DTD1: variants seen among roughly 807,000 people sequenced by gnomAD.
The protein encoded by DTD1 is D-tyrosyl-tRNA deacylase 1 homolog.
A neutral mutation model predicts 25.6 loss-of-function variants in DTD1; 13 were observed. The observed-to-expected ratio is 0.51, with a 90% CI of 0.33 to 0.81. The LOEUF (loss-of-function observed/expected upper bound fraction) is 0.81. Ranked by LOEUF, DTD1 falls within the 30% of genes least tolerant of loss-of-function variation. The pLI is 0.02. For synonymous variants in DTD1, 110 were observed against 103.6 expected (o/e 1.06, Z -0.37); for missense variants, 193 against 266.4 (o/e 0.72, Z 1.92).
At chr20:18,608,960 G>A (rs1474504263) in intron 3 of DTD1, among the ~76,000 whole-genome samples, 3 of 151,940 alleles carry the variant, frequency 2.0e-5, no homozygotes, top group Non-Finnish European at 4.4e-5. Flanking sequence ...CAAGGTTACT[G>A]GAAAACACAT....
At chr20:18,677,061 A>G (rs1198101928) in intron 4 of DTD1, among the ~76,000 whole-genome samples, 3 of 152,256 alleles carry the variant, frequency 2.0e-5, no homozygotes, top group Non-Finnish European at 4.4e-5. Flanking sequence ...TTAATCATTT[A>G]TAAATAACAT....
At chr20:18,710,759 A>G (rs900487827) in intron 4 of DTD1, among the ~76,000 whole-genome samples, 2 of 152,172 alleles carry the variant, frequency 1.3e-5, no homozygotes, top group African/African-American at 4.8e-5. Context: ...TGTGTTACCA[A>G]TGTAATTGGA....
chr20:18,694,504 C>CA (rs1044836247), intron 4 of DTD1, among the ~76,000 whole-genome samples: 1 of 152,152 alleles, frequency 6.6e-6, no homozygotes, highest in African/African-American at 2.4e-5. Flanking sequence ...GCTTAGCACT[C>CA]ACCATTTAAT....
chr20:18,634,393 T>G (rs2060799616), intron 4 of DTD1, among the ~76,000 whole-genome samples: 1 of 152,204 alleles, frequency 6.6e-6, no homozygotes, highest in African/African-American at 2.4e-5. Context: ...CATTAATTAT[T>G]TACATTCTCA....
intron 4 of DTD1, among the ~76,000 whole-genome samples, chr20:18,684,033 C>A (rs2061007129): frequency 6.6e-6 from 1 of 152,110 alleles, no homozygotes; most frequent in Non-Finnish European, 1.5e-5. Flanking sequence ...TAGGCCTTTC[C>A]CTGGAAAGTG....
intron 4 of DTD1, among the ~76,000 whole-genome samples, chr20:18,685,671 C>A (rs187269305): frequency 6.6e-6 from 1 of 152,294 alleles, no homozygotes; most frequent in East Asian, 1.9e-4. Flanking sequence ...GGGCTAAAAA[C>A]CAAATCAGCA....
intron 4 of DTD1, among the ~76,000 whole-genome samples, chr20:18,649,091 T>G (rs1447146755): frequency 6.6e-6 from 1 of 150,902 alleles, no homozygotes; most frequent in Non-Finnish European, 1.5e-5. Context: ...ATCATATGAA[T>G]TTCATTCTTA....
rs557286984 is a variant in DTD1 at position 18,653,061 on chromosome 20, T to C, written c.477+24828T>C. 2.0e-5 allele frequency among the ~76,000 whole-genome samples: 3 copies of C among 152,318 alleles called. No individual in the cohort carries two copies. The East Asian group carries it at 5.8e-4, about 29-fold the overall frequency. On this transcript the variant is annotated intron_variant, in intron 4 of 5. Transcript: ENST00000377452. ...ATCACCCAGCTGCAGCTTGGGGCTTTTAGCAGGTGGGTTGTGGCCACATGG... is the reference window on the plus strand; with the variant it reads ...ATCACCCAGCTGCAGCTTGGGGCTTCTAGCAGGTGGGTTGTGGCCACATGG...
At chr20:18,709,190 A>G (rs2061148286) in intron 4 of DTD1, among the ~76,000 whole-genome samples, 2 of 152,212 alleles carry the variant, frequency 1.3e-5, no homozygotes, top group South Asian at 4.1e-4. Flanking sequence ...AATGTGATCA[A>G]TAAATATGAT....
intron 3 of DTD1, among the ~76,000 whole-genome samples, chr20:18,625,628 A>G (rs1469625268): frequency 1.3e-5 from 2 of 152,220 alleles, no homozygotes; most frequent in African/African-American, 2.4e-5. Context: ...CTCCTCTAGC[A>G]GGCAGTGGCT....
intron 4 of DTD1, among the ~76,000 whole-genome samples, chr20:18,638,431 G>T (rs1422274343): frequency 1.3e-5 from 2 of 152,156 alleles, no homozygotes; most frequent in African/African-American, 4.8e-5. Flanking sequence ...ACAGGGTTAG[G>T]TGTAGAGAAT....
intron 4 of DTD1, among the ~76,000 whole-genome samples, chr20:18,661,303 A>G (rs978428331): frequency 5.9e-5 from 9 of 151,980 alleles, no homozygotes; most frequent in Non-Finnish European, 1.2e-4. Flanking sequence ...GGAATTTGAT[A>G]GGAATTACAT....
chr20:18,685,427 TGC>T, intron 4 of DTD1, among the ~76,000 whole-genome samples: 2 of 152,200 alleles, frequency 1.3e-5, no homozygotes, highest in Non-Finnish European at 2.9e-5. Context: ...GAGTGCTTTC[TGC>T]CTTGGACCTG....
chr20:18,728,862 T>C (rs1240099049), intron 4 of DTD1, among the ~76,000 whole-genome samples: 2 of 152,132 alleles, frequency 1.3e-5, no homozygotes, highest in Non-Finnish European at 2.9e-5. Context: ...ATTGCATCCA[T>C]TCTCCAATTT....
intron 4 of DTD1, among the ~76,000 whole-genome samples, chr20:18,664,012 A>G (rs1375552279): frequency 6.6e-6 from 1 of 152,124 alleles, no homozygotes; most frequent in Non-Finnish European, 1.5e-5. Flanking sequence ...CATATCACCT[A>G]CTGTACAGGT....
chr20:18,696,852 CCTGAACTG>C (rs2061079410), intron 4 of DTD1, among the ~76,000 whole-genome samples: 1 of 151,866 alleles, frequency 6.6e-6, no homozygotes, highest in Non-Finnish European at 1.5e-5. Context: ...CTGCCCCTGG[CCTGAACTG>C]TAGTTTTTAC....
chr20:18,595,852 G>C (rs946687279), intron 2 of DTD1, among the ~76,000 whole-genome samples, 154 bp from the exon 3 acceptor site: 1 of 152,140 alleles, frequency 6.6e-6, no homozygotes, highest in East Asian at 1.9e-4. Context: ...GCACAGGGTG[G>C]ATAAGTGACT....
At chr20:18,720,421 C>G (rs999098486) in intron 4 of DTD1, among the ~76,000 whole-genome samples, 70 of 152,194 alleles carry the variant, frequency 4.6e-4, no homozygotes, top group Non-Finnish European at 9.6e-4. Flanking sequence ...TAGCTTTTGT[C>G]CCTGAATTAC....
At chr20:18,664,973 T>C (rs981426106) in intron 4 of DTD1, among the ~76,000 whole-genome samples, 2 of 152,170 alleles carry the variant, frequency 1.3e-5, no homozygotes, top group African/African-American at 4.8e-5. Flanking sequence ...TGGTCTCTAG[T>C]GTGGGCTGTC....
Sources: allele counts gnomAD v4.1 joint callset (sites outside exome capture counted in the v4.1 genomes callset), GRCh38; gene constraint gnomAD v4.1.1; transcripts MANE v1.5; gene names NCBI Gene and HGNC (gene_info 2026-07-23, HGNC 2026-07-21).